STK32A: variants seen among roughly 807,000 people sequenced by gnomAD.
The protein encoded by STK32A is serine/threonine kinase 32A, also known as serine/threonine-protein kinase 32A.
A neutral mutation model predicts 53.2 loss-of-function variants in STK32A; 41 were observed. That is an observed-to-expected ratio of 0.77 (90% confidence interval 0.60 to 1.00). STK32A has a LOEUF of 1.00. Ranked by LOEUF, STK32A falls within the 50% of genes least tolerant of loss-of-function variation. The probability of loss-of-function intolerance (pLI) is 0.00; values close to 1 mark genes in which losing one functional copy is unlikely to be tolerated. For synonymous variants in STK32A, 166 were observed against 162.8 expected, an observed-to-expected ratio of 1.02 and a Z score of -0.15; for missense variants, 458 against 485.8, an observed-to-expected ratio of 0.94 and a Z score of 0.54.
At chr5:147,266,436 A>G (rs1754815026) in intron 2 of STK32A, among the ~76,000 whole-genome samples, 2 of 152,236 alleles carry the variant, frequency 1.3e-5, no homozygotes, top group Admixed American at 6.5e-5. Context: ...TTTTCTTAGA[A>G]GGTACATATT....
chr5:147,335,822 C>T (rs777203084), intron 5 of STK32A, among the ~76,000 whole-genome samples: 9 of 152,000 alleles, frequency 5.9e-5, no homozygotes, highest in African/African-American at 1.7e-4. Flanking sequence ...TGCATGCGTG[C>T]GCGTGTGTGC....
chr5:147,382,173 T>G (rs1400642252), intron 11 of STK32A, among the ~76,000 whole-genome samples: 1 of 152,218 alleles, frequency 6.6e-6, no homozygotes, highest in Non-Finnish European at 1.5e-5. Flanking sequence ...TGTCATCAAG[T>G]TTGATACTGA....
chr5:147,314,649 A>C (rs1244909176), intron 4 of STK32A, among the ~76,000 whole-genome samples: 2 of 151,970 alleles, frequency 1.3e-5, no homozygotes, highest in African/African-American at 4.8e-5. Context: ...GTCAGTGAGC[A>C]CTTCAAAAGA....
At chr5:147,399,871 T>C in the STK32A span, among the ~76,000 whole-genome samples, 3 of 152,210 alleles carry the variant, frequency 2.0e-5, no homozygotes, top group African/African-American at 4.8e-5. Context: ...GGAAACACTA[T>C]GTGAGAGAAC....
chr5:147,293,784 G>C (rs1345874154), intron 4 of STK32A, among the ~76,000 whole-genome samples: 1 of 151,620 alleles, frequency 6.6e-6, no homozygotes, highest in East Asian at 1.9e-4. Context: ...CTCAAGGCTA[G>C]GTATCTTTGA....
the STK32A span, chr5:147,393,910 T>G: frequency 1.4e-4 from 129 of 936,886 alleles, no homozygotes; most frequent in Non-Finnish European, 1.9e-4. Flanking sequence ...ACATAAGGCT[T>G]GAGGCTTATT....
chr5:147,327,624 C>T (rs537606390), intron 5 of STK32A, among the ~76,000 whole-genome samples: 109 of 152,346 alleles, frequency 7.2e-4, no homozygotes, highest in Non-Finnish European at 1.1e-3. Flanking sequence ...TCCTGGGTAC[C>T]AGGCTGCCTG....
intron 2 of STK32A, among the ~76,000 whole-genome samples, chr5:147,243,860 CT>C (rs34672367): frequency 0.41 from 62,324 of 151,534 alleles, 12,933 homozygotes; most frequent in Admixed American, 0.45. Flanking sequence ...GTCCTAATTA[CT>C]TTTTTTTTAT....
chr5:147,283,192 G>A (rs535444484), intron 4 of STK32A, among the ~76,000 whole-genome samples: 7 of 152,042 alleles, frequency 4.6e-5, no homozygotes, highest in Admixed American at 3.3e-4. Flanking sequence ...CTCCTGAATG[G>A]CATTGGGTCA....
intron 11 of STK32A, among the ~76,000 whole-genome samples, chr5:147,378,513 A>C (rs563583063): frequency 6.6e-6 from 1 of 152,258 alleles, no homozygotes; most frequent in South Asian, 2.1e-4. Context: ...ATCTAACAAG[A>C]ACATACACCA....
chr5:147,326,605 G>GA (rs374799648), intron 5 of STK32A, among the ~76,000 whole-genome samples: 4 of 151,988 alleles, frequency 2.6e-5, no homozygotes, highest in East Asian at 1.9e-4. Context: ...ACCAGTATGT[G>GA]AAAAAAATAT....
intron 2 of STK32A, among the ~76,000 whole-genome samples, chr5:147,270,208 C>T (rs574284917): frequency 3.9e-5 from 6 of 151,954 alleles, no homozygotes; most frequent in African/African-American, 9.7e-5. Context: ...TTTAAAACTA[C>T]ATTACTGAAA....
At chr5:147,354,566 C>A (rs1419141129) in intron 7 of STK32A, among the ~76,000 whole-genome samples, 1 of 152,176 alleles carries the variant, frequency 6.6e-6, no homozygotes, top group Non-Finnish European at 1.5e-5. Flanking sequence ...ACTAATATTT[C>A]TTGAAATCTT....
intron 4 of STK32A, among the ~76,000 whole-genome samples, chr5:147,316,084 G>A (rs1753978778): frequency 1.3e-5 from 2 of 152,134 alleles, no homozygotes; most frequent in Non-Finnish European, 2.9e-5. Context: ...ATCTTAAAGT[G>A]TTTTCAGTAA....
At chr5:147,394,481 AGGTGCCC>A in the STK32A span, among the ~76,000 whole-genome samples, 2 of 152,140 alleles carry the variant, frequency 1.3e-5, no homozygotes, top group African/African-American at 4.8e-5. Context: ...GGTTTGAGAG[AGGTGCCC>A]TTATCTGTTT....
chr5:147,377,950 C>A (rs1757296519), intron 11 of STK32A, among the ~76,000 whole-genome samples: 1 of 152,006 alleles, frequency 6.6e-6, no homozygotes, highest in Admixed American at 6.6e-5. Context: ...AGGTACTTTG[C>A]TTCAAAACAA....
At position 147,374,245 on chromosome 5, in the gene STK32A, C is replaced by G. The variant is rs540895892; in HGVS notation, c.904-845C>G. 9.9e-5 allele frequency among the ~76,000 whole-genome samples: 15 copies of G among 151,458 alleles called. 1 individual carries two copies. In the South Asian group the frequency reaches 1.5e-3, roughly 15 times the overall value. On this transcript the variant is annotated intron_variant, in intron 10 of 12. Transcript: ENST00000397936. ...TGAGGCTGCATGAGCAGTGATTGTG[C>G]CACTGCACTCTAGCCTGGGTAACAG... is the stretch of plus-strand genomic sequence containing the variant.
At chr5:147,321,866 T>C (rs1406827617) in intron 4 of STK32A, among the ~76,000 whole-genome samples, 1 of 152,174 alleles carries the variant, frequency 6.6e-6, no homozygotes, top group Non-Finnish European at 1.5e-5. Context: ...TGGTTAGTAC[T>C]CTCTTCTCCT....
intron 1 of STK32A, among the ~76,000 whole-genome samples, chr5:147,235,477 C>G (rs947891024): frequency 6.6e-6 from 1 of 152,204 alleles, no homozygotes; most frequent in African/African-American, 2.4e-5. Context: ...TCTCCAGCAT[C>G]TAAACAAGCA....
Sources: allele counts gnomAD v4.1 joint callset (sites outside exome capture counted in the v4.1 genomes callset), GRCh38; gene constraint gnomAD v4.1.1; transcripts MANE v1.5; gene names NCBI Gene and HGNC (gene_info 2026-07-23, HGNC 2026-07-21).